Variants in JMY observed in about 807,000 individuals in gnomAD.
JMY encodes junction-mediating and -regulatory protein.
JMY carries 46 observed loss-of-function variants against 103.3 expected under a neutral mutation model. The ratio of observed to expected loss-of-function variants is 0.45; its 90% CI spans 0.35 to 0.57. The LOEUF is 0.57. Among genes scored for constraint, JMY ranks in the 20% least tolerant of loss-of-function variants. The pLI, the probability that JMY is intolerant of heterozygous loss-of-function variation, is 0.00. For synonymous variants in JMY, 526 were observed against 489.3 expected (o/e 1.07, Z -0.99); for missense variants, 1,238 against 1,255.2 (o/e 0.99, Z 0.21).
At position 79,316,106 on chromosome 5, in the gene JMY, T is replaced by C; in HGVS notation, c.2766T>C (p.Ser922=). The C allele has an allele frequency of 1.9e-6, 3 of 1,614,052 alleles. No individual in the cohort carries two copies. The highest frequency in any genetic ancestry group is 2.5e-6 in the Non-Finnish European group (3 of 1,179,928). Residue 922 remains serine (S), a synonymous_variant, in exon 10 of 11, where the codon AGT becomes AGC. Transcript: ENST00000396137. ...TLPPFPDEDD[S]NNILAQIRKG... ...CTCCTTTTCCTGATGAAGATGATAG[T>C]AATAATATCTTGGCACAAATAAGGA...
At chr5:79,319,692 T>C (rs909335985) in intron 10 of JMY, among the ~76,000 whole-genome samples, 4 of 152,128 alleles carry the variant, frequency 2.6e-5, no homozygotes, top group African/African-American at 4.8e-5. Flanking sequence ...GAGATTCTCC[T>C]GCCTCAGCCT....
At chr5:79,287,248 C>T (rs1237830468) in intron 2 of JMY, among the ~76,000 whole-genome samples, 1 of 152,142 alleles carries the variant, frequency 6.6e-6, no homozygotes, top group Non-Finnish European at 1.5e-5. Context: ...TCAAGGGATG[C>T]AGATAGAAGC....
chr5:79,238,681 T>C (rs1744604114), intron 1 of JMY, among the ~76,000 whole-genome samples: 1 of 146,160 alleles, frequency 6.8e-6, no homozygotes, highest in Non-Finnish European at 1.5e-5. Flanking sequence ...GCAGTTTTGC[T>C]CCGTCTCCCA....
At position 79,255,805 on chromosome 5, in the gene JMY, A is replaced by T. The variant is rs118016152; in HGVS notation, c.1032+18123A>T. On this transcript the variant is annotated intron_variant, in intron 1 of 10. Coordinates refer to ENST00000396137, the MANE Select transcript of JMY (RefSeq NM_152405.5). ...CAACAGAGTTTCTCTCTCTGTTCTG[A>T]GCCATCTAGACCTGGGGGTGGAGGG... 3.3e-5 allele frequency among the ~76,000 whole-genome samples: 5 copies of T among 152,298 alleles called. No homozygotes were observed. The East Asian group carries it at 9.6e-4, about 29-fold the overall frequency.
At chr5:79,239,166 T>G (rs1326034234) in intron 1 of JMY, among the ~76,000 whole-genome samples, 1 of 152,210 alleles carries the variant, frequency 6.6e-6, no homozygotes, top group Non-Finnish European at 1.5e-5. Context: ...CTCTTACAAC[T>G]TCCCGAATCC....
At chr5:79,249,917 T>C (rs1580329145) in intron 1 of JMY, among the ~76,000 whole-genome samples, 1 of 152,146 alleles carries the variant, frequency 6.6e-6, no homozygotes, top group Non-Finnish European at 1.5e-5. Context: ...AGCTTAACTC[T>C]TGGTAGTAAC....
At chr5:79,287,693 A>T (rs1746307949) in intron 2 of JMY, among the ~76,000 whole-genome samples, 1 of 152,208 alleles carries the variant, frequency 6.6e-6, no homozygotes, top group South Asian at 2.1e-4. Context: ...GTTAAACAGC[A>T]GCTTAAAAGA....
Position 79,236,294 on chromosome 5 carries a change from G to A in JMY, c.-357G>A. ...ATACAGCGCCGGCCTGACCCCGCGG[G>A]ACCCGCGCCTCACCACCGGAGCGCC... On this transcript the variant is annotated 5_prime_UTR_variant, in exon 1 of 11. Transcript: ENST00000396137. 1 of 182,482 alleles carries A rather than the reference G, an allele frequency of 5.5e-6. No individual in the cohort carries two copies. 11.3% of individuals were successfully genotyped at this position (182,482 alleles called of 1,614,324 possible). A position where few individuals can be genotyped will look rare whatever the true frequency, so the allele number is the denominator to read the frequency against.
At chr5:79,254,547 G>A (rs1745182397) in intron 1 of JMY, among the ~76,000 whole-genome samples, 1 of 152,068 alleles carries the variant, frequency 6.6e-6, no homozygotes, top group South Asian at 2.1e-4. Context: ...TATGTTATTT[G>A]TTTCTTTTCT....
At chr5:79,307,384 G>A (rs926684881) in intron 7 of JMY, among the ~76,000 whole-genome samples, 1 of 152,136 alleles carries the variant, frequency 6.6e-6, no homozygotes. Flanking sequence ...GAGAGTTCAG[G>A]TTTTTCCACA....
In JMY at chr5:79,325,465, G is replaced by C. The variant is rs917207106; in HGVS notation, c.*3863G>C. The C allele has an allele frequency of 6.6e-6, 1 of 152,074 alleles. No individual in the cohort carries two copies. The highest frequency in any genetic ancestry group is 1.5e-5 in the Non-Finnish European group (1 of 67,992). The allele number at this position is 152,074 out of a possible 1,614,324, so 9.4% of individuals were successfully genotyped here. On this transcript the variant is annotated 3_prime_UTR_variant, in exon 11 of 11. Coordinates refer to ENST00000396137, the MANE Select transcript of JMY (RefSeq NM_152405.5). ...AAACCTTAAGTTTTACCTAATTATT[G>C]CACTAAATGTAAATGATAACATAAA...
At chr5:79,252,092 A>G (rs1326513055) in intron 1 of JMY, among the ~76,000 whole-genome samples, 1 of 152,050 alleles carries the variant, frequency 6.6e-6, no homozygotes, top group African/African-American at 2.4e-5. Flanking sequence ...TCTTTTTGAT[A>G]TAGGCACTTA....
intron 1 of JMY, among the ~76,000 whole-genome samples, chr5:79,269,729 T>C (rs2112075049): frequency 6.6e-6 from 1 of 152,098 alleles, no homozygotes; most frequent in South Asian, 2.1e-4. Flanking sequence ...TATTTTATTT[T>C]TTATTTATTT....
At chr5:79,257,098 T>C (rs1366912470) in intron 1 of JMY, among the ~76,000 whole-genome samples, 1 of 151,328 alleles carries the variant, frequency 6.6e-6, no homozygotes, top group African/African-American at 2.4e-5. Context: ...AGATGGAGTC[T>C]CACTCACTCT....
At chr5:79,300,343 A>G in intron 5 of JMY, 25 bp downstream of exon 5, 1 of 1,480,942 alleles carries the variant, frequency 6.8e-7, no homozygotes, top group Non-Finnish European at 9.0e-7. Flanking sequence ...TAACCACATA[A>G]GTTCACCAAA....
At chr5:79,274,245 AT>A (rs1561299614) in intron 1 of JMY, among the ~76,000 whole-genome samples, 1 of 151,938 alleles carries the variant, frequency 6.6e-6, no homozygotes, top group Non-Finnish European at 1.5e-5. Flanking sequence ...ATTAGTTTCT[AT>A]TTTTTGAGAT....
At chr5:79,302,585 A>AC (rs1267833207) in intron 6 of JMY, among the ~76,000 whole-genome samples, 6 of 152,192 alleles carry the variant, frequency 3.9e-5, no homozygotes, top group African/African-American at 1.2e-4. Context: ...TTTAGCAAAG[A>AC]CACTGAAGCA....
rs1554050187 is a variant in JMY at position 79,277,475 on chromosome 5, A to AAT, written c.1033-429_1033-428dup. Among the ~76,000 whole-genome samples, 8 of 151,594 alleles carry AAT rather than the reference A, an allele frequency of 5.3e-5. No homozygotes were observed. The East Asian group carries it at 5.8e-4, about 11-fold the overall frequency. On this transcript the variant is annotated intron_variant, in intron 1 of 10. Transcript: ENST00000396137. The stretch of plus-strand genomic sequence containing the variant: ...GACCCCGTCTCTACAAAAAAAAAAA[A>AAT]ATATATACAATAACTAGCCAGGTGT...
At chr5:79,289,819 C>T (rs1746371832) in intron 2 of JMY, among the ~76,000 whole-genome samples, 1 of 151,820 alleles carries the variant, frequency 6.6e-6, no homozygotes, top group Admixed American at 6.6e-5. Context: ...GATATTTTAT[C>T]ATAGAGGAGG....
Sources: gnomAD v4.1 joint callset for allele counts (sites outside exome capture counted in the v4.1 genomes callset) on GRCh38, gnomAD v4.1.1 for gene constraint, MANE v1.5 for transcripts, NCBI Gene and HGNC (gene_info 2026-07-23, HGNC 2026-07-21) for gene names.